The following EEIG1 variants were observed in gnomAD, a reference collection of about 807,000 sequenced individuals.
EEIG1 encodes the protein estrogen-induced osteoclastogenesis regulator 1, also known as early estrogen-induced gene 1 protein.
chr9:127,950,621 A>G, the EEIG1 span: 22 of 1,562,596 alleles, frequency 1.4e-5, no homozygotes, highest in Non-Finnish European at 1.8e-5. Flanking sequence ...TAACTTGGCA[A>G]AAGTTGGAGA....
At chr9:127,957,966 C>T in the EEIG1 span, among the ~76,000 whole-genome samples, 2 of 152,126 alleles carry the variant, frequency 1.3e-5, no homozygotes, top group Non-Finnish European at 2.9e-5. Context: ...TGAGCCAAGA[C>T]GGCACTACTG....
At chr9:127,948,862 G>C in the EEIG1 span, among the ~76,000 whole-genome samples, 1 of 152,212 alleles carries the variant, frequency 6.6e-6, no homozygotes, top group South Asian at 2.1e-4. Context: ...GTGAAAGTCT[G>C]ATGAAAAAGC....
the EEIG1 span, chr9:127,944,721 G>C: frequency 6.2e-7 from 1 of 1,611,904 alleles, no homozygotes; most frequent in South Asian, 1.1e-5. Flanking sequence ...GCTGAGCGCG[G>C]CAGGGCCAGC....
the EEIG1 span, among the ~76,000 whole-genome samples, chr9:127,974,813 C>T: frequency 3.3e-5 from 5 of 152,198 alleles, no homozygotes; most frequent in Non-Finnish European, 5.9e-5. Context: ...CAAGACAAAG[C>T]GTGTGTTCAG....
the EEIG1 span, chr9:127,943,165 C>A: frequency 6.2e-7 from 1 of 1,612,530 alleles, no homozygotes. Flanking sequence ...GAAAGCAGGA[C>A]TCTTCTCCAG....
chr9:127,951,254 T>C, the EEIG1 span, among the ~76,000 whole-genome samples: 1 of 152,192 alleles, frequency 6.6e-6, no homozygotes, highest in African/African-American at 2.4e-5. Flanking sequence ...CGGTTCCCTC[T>C]GCAAAGGGTC....
the EEIG1 span, chr9:127,980,634 C>T: frequency 2.0e-5 from 3 of 150,352 alleles, no homozygotes; most frequent in African/African-American, 4.9e-5. Flanking sequence ...GCCGCTCACG[C>T]CCCCGCACCT....
At chr9:127,965,818 C>T in the EEIG1 span, among the ~76,000 whole-genome samples, 3 of 152,362 alleles carry the variant, frequency 2.0e-5, no homozygotes, top group East Asian at 3.9e-4. Context: ...CCAAGGCGTC[C>T]GTCCAGGGGC....
At chr9:127,956,420 A>T in the EEIG1 span, among the ~76,000 whole-genome samples, 23 of 152,124 alleles carry the variant, frequency 1.5e-4, no homozygotes, top group African/African-American at 5.3e-4. Flanking sequence ...TTATTTATTT[A>T]TTTTTTTGAG....
chr9:127,964,018 A>T, the EEIG1 span, among the ~76,000 whole-genome samples: 3 of 152,128 alleles, frequency 2.0e-5, no homozygotes, highest in African/African-American at 7.2e-5. Flanking sequence ...GGGGGGAAGG[A>T]GGTCCCAGGC....
chr9:127,980,986 G>C, the EEIG1 span, among the ~76,000 whole-genome samples: 1 of 149,302 alleles, frequency 6.7e-6, no homozygotes, highest in African/African-American at 2.4e-5. Flanking sequence ...GCCGCTTGGA[G>C]AATGCCTGGG....
chr9:127,968,264 C>A, the EEIG1 span, among the ~76,000 whole-genome samples: 4 of 152,056 alleles, frequency 2.6e-5, no homozygotes, highest in African/African-American at 9.7e-5. Context: ...GGATTCCCAT[C>A]CCCAGGGCCT....
At chr9:127,975,290 AGGCAGGCAGCATCTTTGTGGTG>A in the EEIG1 span, among the ~76,000 whole-genome samples, 13 of 152,182 alleles carry the variant, frequency 8.5e-5, no homozygotes, top group African/African-American at 3.1e-4. Context: ...GTGCCATGGA[AGGCAGGCAGCATCTTTGTGGTG>A]GGCGGCCACG....
At chr9:127,948,694 C>T in the EEIG1 span, among the ~76,000 whole-genome samples, 135,513 of 152,226 alleles carry the variant, frequency 0.89, 61,033 homozygotes, top group Non-Finnish European at 0.97. Flanking sequence ...GCAGAGTGAG[C>T]GGACTGCCAT....
chr9:127,948,001 C>G, the EEIG1 span: 1 of 1,522,908 alleles, frequency 6.6e-7, no homozygotes, highest in African/African-American at 1.4e-5. Context: ...CCCTGGGGAC[C>G]TGGGCATGAC....
At chr9:127,979,496 C>CACT in the EEIG1 span, among the ~76,000 whole-genome samples, 1 of 152,228 alleles carries the variant, frequency 6.6e-6, no homozygotes, top group South Asian at 2.1e-4. Flanking sequence ...GGAGGATAGT[C>CACT]ACTCGGAGGG....
chr9:127,970,498 C>A, the EEIG1 span, among the ~76,000 whole-genome samples: 3 of 152,208 alleles, frequency 2.0e-5, no homozygotes, highest in Admixed American at 2.0e-4. Flanking sequence ...GTGGCAGCAG[C>A]TTGTTCATCC....
the EEIG1 span, chr9:127,945,473 G>A: frequency 6.4e-7 from 1 of 1,565,562 alleles, no homozygotes; most frequent in Non-Finnish European, 8.6e-7. This position sits in a 1 kb window ranked among gnomAD's most constrained non-coding sequence, Gnocchi z 6.5. Flanking sequence ...GTCATGCCAA[G>A]GCCCCCAGAG....
chr9:127,980,557 G>A, the EEIG1 span: 1 of 151,376 alleles, frequency 6.6e-6, no homozygotes, highest in African/African-American at 2.4e-5. Flanking sequence ...GGGCTGGCTG[G>A]CCGGTAAGGC....
Sources: allele counts gnomAD v4.1 joint callset (sites outside exome capture counted in the v4.1 genomes callset), GRCh38; gene constraint gnomAD v4.1.1; non-coding constraint Gnocchi (gnomAD v3.1); transcripts MANE v1.5; gene names NCBI Gene and HGNC (gene_info 2026-07-23, HGNC 2026-07-21).